RAB3IP: variants seen among roughly 807,000 people sequenced by gnomAD.
The protein encoded by RAB3IP is rab-3A-interacting protein.
In RAB3IP, 36 loss-of-function variants were observed where a neutral mutation model predicts 59.1. The ratio of observed to expected loss-of-function variants is 0.61; its 90% confidence interval spans 0.47 to 0.80. The LOEUF (loss-of-function observed/expected upper bound fraction) is 0.80. RAB3IP is among the 30% of genes least tolerant of loss of function. RAB3IP has a pLI of 0.00. For missense variants in RAB3IP, 511 were observed against 536.0 expected (o/e 0.95, Z 0.46); for synonymous variants, 207 against 191.2 (o/e 1.08, Z -0.68).
intron 7 of RAB3IP, 32 bp from the exon 8 acceptor site, chr12:69,801,577 A>G (rs781004685): frequency 5.9e-6 from 7 of 1,181,230 alleles, no homozygotes; most frequent in Non-Finnish European, 8.5e-6. Flanking sequence ...TTCTGCCAGT[A>G]TAGCATCTAG....
chr12:69,800,569 T>C (rs1181295098), intron 7 of RAB3IP, among the ~76,000 whole-genome samples: 1 of 152,178 alleles, frequency 6.6e-6, no homozygotes, highest in Non-Finnish European at 1.5e-5. Flanking sequence ...GTGTACTGCA[T>C]TGGTGTCAGG....
intron 8 of RAB3IP, among the ~76,000 whole-genome samples, chr12:69,809,439 G>A (rs558368094): frequency 1.2e-4 from 18 of 152,304 alleles, no homozygotes; most frequent in Non-Finnish European, 2.6e-4. Flanking sequence ...GAATTTGAAT[G>A]TTGGCCTGCC....
intron 8 of RAB3IP, among the ~76,000 whole-genome samples, chr12:69,806,570 G>GTTTTTTTTTTTTTTT (rs35262716): frequency 5.6e-4 from 38 of 68,460 alleles, no homozygotes; most frequent in East Asian, 8.2e-4. Flanking sequence ...TGCTTCTCTA[G>GTTTTTTTTTTTTTTT]TTTTTTTTTT....
chr12:69,768,943 A>C (rs1217628340), intron 3 of RAB3IP, among the ~76,000 whole-genome samples: 1 of 152,054 alleles, frequency 6.6e-6, no homozygotes, highest in Non-Finnish European at 1.5e-5. Flanking sequence ...TCTCATCTTG[A>C]ATTCCCATGT....
intron 3 of RAB3IP, among the ~76,000 whole-genome samples, chr12:69,764,360 T>C (rs1357017379): frequency 1.3e-5 from 2 of 152,242 alleles, no homozygotes; most frequent in East Asian, 3.8e-4. Flanking sequence ...CTTCTGCATA[T>C]GCCTAGCCAG....
rs1392221017 is a variant in RAB3IP, at chr12:69,795,233, A to G, written c.777A>G (p.Gly259=). ...CTACGCAGGAGCCTTTGCCAGGTGG[A>G]AAGACACCTTTTAAAAAGGGGCATA... ...TSPTQEPLPG[G]KTPFKKGHTR... The change falls in exon 6 of 11, where the codon GGA becomes GGG. Residue 259 remains glycine, a synonymous_variant. Transcript: ENST00000247833. The G allele has an allele frequency of 6.2e-7, 1 of 1,614,124 alleles. No homozygotes were observed. The highest frequency in any genetic ancestry group is 1.7e-5 in the Admixed American group (1 of 59,998).
intron 3 of RAB3IP, among the ~76,000 whole-genome samples, chr12:69,781,623 T>C (rs896398310): frequency 6.6e-6 from 1 of 152,216 alleles, no homozygotes; most frequent in African/African-American, 2.4e-5. Flanking sequence ...TGGAATCATA[T>C]AGTGTGTAGC....
chr12:69,796,549 T>G (rs1364150142), intron 6 of RAB3IP: 3 of 493,664 alleles, frequency 6.1e-6, no homozygotes, highest in Non-Finnish European at 1.1e-5. Context: ...GTTAAATTTT[T>G]GTATGGAAGC....
chr12:69,787,054 A>T (rs1168206410), intron 4 of RAB3IP, among the ~76,000 whole-genome samples: 1 of 152,172 alleles, frequency 6.6e-6, no homozygotes, highest in Admixed American at 6.5e-5. Context: ...TTATGAAAAG[A>T]TTCTTTTTTT....
chr12:69,802,494 T>G (rs1878553526), intron 8 of RAB3IP, among the ~76,000 whole-genome samples: 1 of 152,196 alleles, frequency 6.6e-6, no homozygotes, highest in African/African-American at 2.4e-5. Context: ...GCTTAAAACA[T>G]CTAGCAAAGA....
rs1592409518 is a variant in RAB3IP at position 69,739,643 on chromosome 12, C to T, written c.-26+612C>T. 3.6e-5 allele frequency: 22 copies of T among 609,002 alleles called. No homozygotes were observed. The East Asian group carries it at 5.6e-4, about 16-fold the overall frequency. The allele number at this position is 609,002 out of a possible 1,614,324, so 37.7% of individuals were successfully genotyped here. A position where few individuals can be genotyped will look rare whatever the true frequency, so the allele number is the denominator to read the frequency against. On this transcript the variant is annotated intron_variant, in intron 1 of 10. Coordinates refer to ENST00000247833, the MANE Select transcript of RAB3IP (RefSeq NM_022456.5). ...CCTGGTGGGAAATTCCGGGCAGGCG[C>T]CCGGAGTCGCGCCCAAGTAGGCAGC...
chr12:69,782,722 T>C (rs1408841851), intron 3 of RAB3IP, among the ~76,000 whole-genome samples: 1 of 152,254 alleles, frequency 6.6e-6, no homozygotes, highest in African/African-American at 2.4e-5. Flanking sequence ...ATTCTCTTGA[T>C]ATTCCCATCT....
At chr12:69,768,905 A>G (rs1872658518) in intron 3 of RAB3IP, among the ~76,000 whole-genome samples, 1 of 152,058 alleles carries the variant, frequency 6.6e-6, no homozygotes, top group Admixed American at 6.5e-5. Flanking sequence ...ATGTACCCTG[A>G]TAGGGTTTGG....
intron 3 of RAB3IP, among the ~76,000 whole-genome samples, chr12:69,783,476 G>T (rs1875093722): frequency 6.6e-6 from 1 of 152,000 alleles, no homozygotes; most frequent in Non-Finnish European, 1.5e-5. Flanking sequence ...AGACTTCCGA[G>T]TTTTTTTCCC....
rs1877732722 is a variant in RAB3IP at position 69,797,765 on chromosome 12, T to C, written c.888+2421T>C. Among the ~76,000 whole-genome samples, 3 of 150,982 alleles carry C rather than the reference T, an allele frequency of 2.0e-5. No homozygotes were observed. In the Admixed American group the frequency reaches 2.0e-4, roughly 10 times the overall value. ...TTCAATTCCCACCTATGAGTGAGAA[T>C]ATATGGTGTTTGGTTTTTTGTTCTT... On this transcript the variant is annotated intron_variant, in intron 6 of 10. Transcript: ENST00000247833.
chr12:69,743,907 A>G (rs1293260965), intron 1 of RAB3IP, among the ~76,000 whole-genome samples: 2 of 149,796 alleles, frequency 1.3e-5, no homozygotes, highest in African/African-American at 5.0e-5. Context: ...CACCTGTTGA[A>G]TGTTTAGTTG....
At position 69,756,524 on chromosome 12, in the gene RAB3IP, T is replaced by C. The variant is rs548424477; in HGVS notation, c.371T>C (p.Ile124Thr). Residue 124 changes from isoleucine (I) to threonine (T), a missense_variant, in exon 3 of 11, where the codon ATA becomes ACA. Transcript: ENST00000247833. ...AEREFLQGAT[I>T]TEACDGSDDI... ...AGAGAGTTTTTACAGGGTGCTACTA[T>C]AACAGAGGCTTGCGATGGCAGTGAT... 8 of 1,614,170 alleles carry C rather than the reference T, an allele frequency of 5.0e-6. No homozygotes were observed. The highest frequency in any genetic ancestry group is 2.7e-5 in the African/African-American group (2 of 75,058).
At chr12:69,767,169 T>G (rs986786933) in intron 3 of RAB3IP, among the ~76,000 whole-genome samples, 17 of 152,188 alleles carry the variant, frequency 1.1e-4, no homozygotes, top group Non-Finnish European at 1.6e-4. Context: ...ATTGTTTTTT[T>G]CTTTTCCTTT....
At chr12:69,807,975 G>T (rs1879750057) in intron 8 of RAB3IP, among the ~76,000 whole-genome samples, 2 of 152,248 alleles carry the variant, frequency 1.3e-5, no homozygotes, top group Non-Finnish European at 2.9e-5. Flanking sequence ...TCTTTCAATT[G>T]TGATGTTAGG....
Sources: allele counts gnomAD v4.1 joint callset (sites outside exome capture counted in the v4.1 genomes callset), GRCh38; gene constraint gnomAD v4.1.1; transcripts MANE v1.5; gene names NCBI Gene and HGNC (gene_info 2026-07-23, HGNC 2026-07-21).